MYO16: variants seen among roughly 807,000 people sequenced by gnomAD.
The protein encoded by MYO16 is myosin XVI.
A neutral mutation model predicts 205.3 loss-of-function variants in MYO16; 94 were observed. The ratio of observed to expected loss-of-function variants is 0.46; its 90% CI spans 0.39 to 0.54. MYO16 has a LOEUF of 0.54. MYO16 is among the 20% of genes least tolerant of loss of function. The probability of loss-of-function intolerance (pLI) is 0.00; values close to 1 mark genes in which losing one functional copy is unlikely to be tolerated. For synonymous variants in MYO16, 988 were observed against 954.0 expected (o/e 1.04, Z -0.66); for missense variants, 2,315 against 2,387.5 (o/e 0.97, Z 0.63).
chr13:109,154,735 T>C (rs1877894472), intron 32 of MYO16, among the ~76,000 whole-genome samples: 1 of 151,828 alleles, frequency 6.6e-6, no homozygotes, highest in African/African-American at 2.4e-5. Context: ...ACCGACCGCG[T>C]ACTTGGCCAC....
chr13:109,163,241 T>G (rs1446221498), intron 32 of MYO16, among the ~76,000 whole-genome samples: 2 of 152,124 alleles, frequency 1.3e-5, no homozygotes, highest in African/African-American at 4.8e-5. Context: ...GACTGGTGGG[T>G]AGGAAGACTT....
chr13:109,141,332 T>G lies in MYO16; in HGVS notation c.5120T>G (p.Val1707Gly). ...LASLFNSGRS[V>G]LRKSAAGRKI... Reference sequence around the variant, plus strand: ...AGCCTCTTCAACTCGGGGAGGAGTGTGCTTCGGAAATCCGCGGCGGGAAGA... The same window carrying G: ...AGCCTCTTCAACTCGGGGAGGAGTGGGCTTCGGAAATCCGCGGCGGGAAGA... The change falls in exon 32 of 35, where the codon GTG becomes GGG. Residue 1707 changes from valine (V) to glycine (G), a missense_variant. By Grantham distance (109) the Val-to-Gly change is moderately radical. Coordinates refer to ENST00000457511, the MANE Select transcript of MYO16 (RefSeq NM_001198950.3). The surrounding 1 kb of genome is among the most constrained non-coding windows in gnomAD (Gnocchi z 4.1). 6.4e-7 allele frequency: 1 copy of G among 1,564,430 alleles called. No homozygotes were observed. Among genetic ancestry groups the G allele is most frequent in the Non-Finnish European group, 8.6e-7 (1 of 1,159,312 alleles).
chr13:108,614,333 C>T (rs911300250), intron 1 of MYO16, among the ~76,000 whole-genome samples: 5 of 152,002 alleles, frequency 3.3e-5, no homozygotes, highest in African/African-American at 1.2e-4. Flanking sequence ...AAGAAGCCCT[C>T]AAAGGGAAAG....
intron 23 of MYO16, among the ~76,000 whole-genome samples, chr13:109,028,809 C>G (rs1258102777): frequency 6.6e-6 from 1 of 151,572 alleles, no homozygotes; most frequent in Non-Finnish European, 1.5e-5. Context: ...CACTGATTTC[C>G]ACAGACCTTT....
intron 17 of MYO16, among the ~76,000 whole-genome samples, chr13:108,958,986 T>C (rs1222912208): frequency 6.6e-6 from 1 of 152,200 alleles, no homozygotes; most frequent in Non-Finnish European, 1.5e-5. Context: ...TGGATGGATT[T>C]GGGTCTGTGT....
At chr13:109,163,465 TTC>T (rs1878486875) in intron 32 of MYO16, among the ~76,000 whole-genome samples, 1 of 148,618 alleles carries the variant, frequency 6.7e-6, no homozygotes, top group Non-Finnish European at 1.5e-5. Context: ...CCTTCCTTCC[TTC>T]CTTCCTTCCC....
intron 8 of MYO16, among the ~76,000 whole-genome samples, chr13:108,821,741 G>A (rs912311600): frequency 2.6e-5 from 4 of 152,082 alleles, no homozygotes; most frequent in Non-Finnish European, 4.4e-5. Context: ...TAGGAACGGA[G>A]GCAATGAATG....
intron 4 of MYO16, among the ~76,000 whole-genome samples, chr13:108,740,799 G>A (rs368898388): frequency 9.9e-4 from 151 of 152,154 alleles, no homozygotes; most frequent in African/African-American, 3.0e-3. Context: ...CAAGCTTCCC[G>A]GCCATTTGTT....
At chr13:108,724,398 G>C (rs1014448393) in intron 3 of MYO16, among the ~76,000 whole-genome samples, 2 of 152,168 alleles carry the variant, frequency 1.3e-5, no homozygotes, top group Non-Finnish European at 2.9e-5. Context: ...AGTGGAAGGG[G>C]TGGAAGTTTT....
chr13:108,890,712 G>T lies in MYO16; in HGVS notation c.1659+2235G>T, dbSNP rs143292060. ...AGAGGAGAGTTGATGCTGGTGAACTGCCATCAGCCTGTATCACCAGAGACT... is the reference window on the plus strand; with the variant it reads ...AGAGGAGAGTTGATGCTGGTGAACTTCCATCAGCCTGTATCACCAGAGACT... On this transcript the variant is annotated intron_variant, in intron 14 of 34. Transcript: ENST00000457511. Among the ~76,000 whole-genome samples, 478 of 152,318 alleles carry T rather than the reference G, an allele frequency of 3.1e-3. 2 individuals carry two copies. The highest frequency in any genetic ancestry group is 0.011 in the African/African-American group (456 of 41,566).
At chr13:108,917,000 G>A (rs1314599794) in intron 16 of MYO16, among the ~76,000 whole-genome samples, 4 of 152,258 alleles carry the variant, frequency 2.6e-5, no homozygotes, top group East Asian at 3.9e-4. Flanking sequence ...TGAAGAGAGC[G>A]GAGGTTATGT....
chr13:108,998,035 T>C (rs971940942), intron 21 of MYO16, among the ~76,000 whole-genome samples: 2 of 152,208 alleles, frequency 1.3e-5, no homozygotes, highest in African/African-American at 4.8e-5. Context: ...ATTGAGATAC[T>C]TTGACTTCTA....
chr13:108,963,137 C>T (rs76360344), intron 19 of MYO16, among the ~76,000 whole-genome samples: 2,453 of 152,262 alleles, frequency 0.016, 68 homozygotes, highest in African/African-American at 0.056. Flanking sequence ...GTGGTTTTCC[C>T]ACATGATCTT....
chr13:108,621,796 T>A (rs1415047451), intron 1 of MYO16, among the ~76,000 whole-genome samples: 1 of 152,160 alleles, frequency 6.6e-6, no homozygotes, highest in African/African-American at 2.4e-5. Flanking sequence ...GTGAGTACAG[T>A]ACAGTAAGAT....
At chr13:108,728,190 T>G (rs1162597493) in intron 4 of MYO16, among the ~76,000 whole-genome samples, 2 of 152,210 alleles carry the variant, frequency 1.3e-5, no homozygotes, top group Non-Finnish European at 2.9e-5. Context: ...GCAAGAATGA[T>G]TTGCTTTTAT....
Position 109,018,786 on chromosome 13 carries a change from G to A in MYO16, c.2596-925G>A, listed in dbSNP as rs556420562. Among the ~76,000 whole-genome samples, 55 of 152,216 alleles carry A rather than the reference G, an allele frequency of 3.6e-4. No homozygotes were observed. The Middle Eastern group carries it at 0.014, about 38-fold the overall frequency. On this transcript the variant is annotated intron_variant, in intron 22 of 34. Transcript: ENST00000457511. ...ACCCCTTGCACTTCCTGGGTGATGC[G>A]ATGCCCCGCTCTGCTTCAGCTCACC... is the stretch of plus-strand genomic sequence containing the variant.
At chr13:108,550,646 T>C in the MYO16 span, among the ~76,000 whole-genome samples, 1 of 152,202 alleles carries the variant, frequency 6.6e-6, no homozygotes, top group Non-Finnish European at 1.5e-5. Flanking sequence ...GAATCTGTAA[T>C]AGAAATAAAC....
intron 23 of MYO16, among the ~76,000 whole-genome samples, chr13:109,026,515 T>C (rs905836513): frequency 6.6e-6 from 1 of 152,108 alleles, no homozygotes; most frequent in East Asian, 1.9e-4. Context: ...AGGGAACACT[T>C]TTCTCTTGTT....
intron 12 of MYO16, among the ~76,000 whole-genome samples, chr13:108,877,578 T>C (rs1362447807): frequency 2.0e-5 from 3 of 152,346 alleles, no homozygotes; most frequent in African/African-American, 7.2e-5. Flanking sequence ...TCTGCTAGGA[T>C]TTTGTGTGTA....
Sources: allele counts gnomAD v4.1 joint callset (sites outside exome capture counted in the v4.1 genomes callset), GRCh38; gene constraint gnomAD v4.1.1; non-coding constraint Gnocchi (gnomAD v3.1); transcripts MANE v1.5; gene names NCBI Gene and HGNC (gene_info 2026-07-23, HGNC 2026-07-21).